HSPB8: variants seen among roughly 807,000 people sequenced by gnomAD.
HSPB8 encodes heat shock protein beta-8.
A neutral mutation model predicts 16.5 loss-of-function variants in HSPB8; 9 were observed. That is an observed-to-expected ratio of 0.55 (90% CI 0.33 to 0.95). The LOEUF is 0.95. Among genes scored for constraint, HSPB8 ranks in the 40% least tolerant of loss-of-function variants. HSPB8 has a pLI of 0.03. For synonymous variants in HSPB8, 99 were observed against 94.8 expected (o/e 1.04, Z -0.26); for missense variants, 238 against 251.2 (o/e 0.95, Z 0.35).
rs548748659 is a variant in HSPB8, at chr12:119,179,155, G to A, written c.-158G>A. The A allele has an allele frequency of 5.3e-6, 4 of 761,798 alleles. No individual in the cohort carries two copies. In the East Asian group the frequency reaches 8.0e-5, roughly 15 times the overall value. The allele number at this position is 761,798 out of a possible 1,614,324, so 47.2% of individuals were successfully genotyped here. On this transcript the variant is annotated 5_prime_UTR_variant, in exon 1 of 3. Transcript: ENST00000281938. ...GGACCCCAGTCGAGGGGACACAACC[G>A]TCCCTGGCAGTGGTTGGTTCTGCTT...
At chr12:119,181,163 G>A (rs1407738486) in intron 1 of HSPB8, among the ~76,000 whole-genome samples, 2 of 152,214 alleles carry the variant, frequency 1.3e-5, no homozygotes, top group East Asian at 3.8e-4. Flanking sequence ...ATCTGAGACA[G>A]ATCTCAGTTC....
chr12:119,185,443 C>G (rs1278888753), intron 1 of HSPB8, among the ~76,000 whole-genome samples: 1 of 152,180 alleles, frequency 6.6e-6, no homozygotes, highest in Non-Finnish European at 1.5e-5. Flanking sequence ...AAGCAATTCT[C>G]CTGCCTCAGC....
At chr12:119,191,428 G>C (rs140617858) in intron 2 of HSPB8, among the ~76,000 whole-genome samples, 5 of 152,052 alleles carry the variant, frequency 3.3e-5, no homozygotes, top group Admixed American at 3.3e-4. Flanking sequence ...CTTTGTCTCC[G>C]CTTCAAAAGC....
At position 119,193,930 on chromosome 12, in the gene HSPB8, T is replaced by C; in HGVS notation, c.*72T>C. On this transcript the variant is annotated 3_prime_UTR_variant, in exon 3 of 3. Coordinates refer to ENST00000281938, the MANE Select transcript of HSPB8 (RefSeq NM_014365.3). ...TCTCTGATTCCAGGATACATTACTTTAGCTGAACTCAGATTTAGTGCAAGT... is the reference window on the plus strand; with the variant it reads ...TCTCTGATTCCAGGATACATTACTTCAGCTGAACTCAGATTTAGTGCAAGT... 3.3e-6 allele frequency: 5 copies of C among 1,516,228 alleles called. No homozygotes were observed. The South Asian group carries it at 3.4e-5, about 10-fold the overall frequency. 93.9% of individuals were successfully genotyped at this position (1,516,228 alleles called of 1,614,324 possible). A position where few individuals can be genotyped will look rare whatever the true frequency, so the allele number is the denominator to read the frequency against.
chr12:119,192,950 G>A (rs917048960), intron 2 of HSPB8, among the ~76,000 whole-genome samples: 2 of 152,076 alleles, frequency 1.3e-5, no homozygotes, highest in Non-Finnish European at 2.9e-5. Flanking sequence ...ACAGTATGGA[G>A]GAAACTGCCC....
At chr12:119,189,752 G>C (rs545791631) in intron 2 of HSPB8, among the ~76,000 whole-genome samples, 1 of 152,120 alleles carries the variant, frequency 6.6e-6, no homozygotes, top group Non-Finnish European at 1.5e-5. Flanking sequence ...GATGGGTGCC[G>C]GTCCATGATC....
chr12:119,186,681 T>A, intron 1 of HSPB8: 1 of 321,430 alleles, frequency 3.1e-6, no homozygotes, highest in Non-Finnish European at 6.0e-6. Context: ...AGAAGAGGAG[T>A]CAGGTGGGAG....
rs1397872559 is a variant in HSPB8, at chr12:119,179,106, C to G, written c.-207C>G. On this transcript the variant is annotated 5_prime_UTR_variant, in exon 1 of 3. Transcript: ENST00000281938. ...CCCTCTGGGATTCTGCTGGATCTGCCCCGGGGGTTACCTTTGGGGGCTGGG... is the reference window on the plus strand; with the variant it reads ...CCCTCTGGGATTCTGCTGGATCTGCGCCGGGGGTTACCTTTGGGGGCTGGG... 1 of 646,932 alleles carries G rather than the reference C, an allele frequency of 1.5e-6. No individual in the cohort carries two copies. Among genetic ancestry groups the G allele is most frequent in the African/African-American group, 1.8e-5 (1 of 55,990 alleles). 40.1% of individuals were successfully genotyped at this position (646,932 alleles called of 1,614,324 possible).
chr12:119,191,842 G>A (rs960129843), intron 2 of HSPB8, among the ~76,000 whole-genome samples: 1 of 152,146 alleles, frequency 6.6e-6, no homozygotes, highest in African/African-American at 2.4e-5. Context: ...TGGAGACCAG[G>A]ATTCCAATTC....
rs570729401 is a variant in HSPB8, at chr12:119,185,469, G to A, written c.368-1556G>A. Among the ~76,000 whole-genome samples, 140 of 152,232 alleles carry A rather than the reference G, an allele frequency of 9.2e-4. 1 individual carries two copies. Among genetic ancestry groups the A allele is most frequent in the Middle Eastern group, 6.8e-3 (2 of 292 alleles). Reference sequence around the variant, plus strand: ...CTGCCTCAGCCTCCCAAGTAGCTGGGACTATAGGCACGTGCCACCATGTCC... The same window carrying A: ...CTGCCTCAGCCTCCCAAGTAGCTGGAACTATAGGCACGTGCCACCATGTCC... On this transcript the variant is annotated intron_variant, in intron 1 of 2. Coordinates refer to ENST00000281938, the MANE Select transcript of HSPB8 (RefSeq NM_014365.3).
At chr12:119,185,133 T>C (rs1954666806) in intron 1 of HSPB8, among the ~76,000 whole-genome samples, 1 of 151,888 alleles carries the variant, frequency 6.6e-6, no homozygotes, top group Admixed American at 6.6e-5. Flanking sequence ...GGCTTTTTTT[T>C]TTAATTTTTT....
At chr12:119,180,113 C>T (rs1015947579) in intron 1 of HSPB8, among the ~76,000 whole-genome samples, 8 of 152,086 alleles carry the variant, frequency 5.3e-5, no homozygotes, top group East Asian at 1.9e-4. Flanking sequence ...AACTGGTTTC[C>T]GGTGAAACAC....
Position 119,179,562 on chromosome 12 carries a change from G to A in HSPB8, c.250G>A (p.Glu84Lys), listed in dbSNP as rs757293016. Residue 84 changes from glutamate (E) to lysine (K), a missense_variant, in exon 1 of 3, where the codon GAG becomes AAG. By Grantham distance (56) the Glu-to-Lys change is moderately conservative. Transcript: ENST00000281938. ...CACCGCCAGGTTTGGGGTGCCTGCC[G>A]AGGGCAGGACCCCCCCACCCTTCCC... is the stretch of plus-strand genomic sequence containing the variant. The part of the protein sequence containing the change: ...TATARFGVPA[E>K]GRTPPPFPGE... 23 of 1,613,262 alleles carry A rather than the reference G, an allele frequency of 1.4e-5. No homozygotes were observed. The highest frequency in any genetic ancestry group is 3.3e-4 in the Middle Eastern group (2 of 6,080).
chr12:119,184,786 C>G (rs1156281230), intron 1 of HSPB8, among the ~76,000 whole-genome samples: 1 of 152,186 alleles, frequency 6.6e-6, no homozygotes, highest in Non-Finnish European at 1.5e-5. Flanking sequence ...ATGTTCAGGG[C>G]CACGAAGTTC....
chr12:119,184,206 T>C (rs913072428), intron 1 of HSPB8, among the ~76,000 whole-genome samples: 2 of 152,212 alleles, frequency 1.3e-5, no homozygotes, highest in African/African-American at 2.4e-5. Flanking sequence ...AACTTCGGGT[T>C]TCCTATCTAC....
intron 2 of HSPB8, among the ~76,000 whole-genome samples, chr12:119,192,281 T>A (rs1954716961): frequency 6.6e-6 from 1 of 152,220 alleles, no homozygotes; most frequent in South Asian, 2.1e-4. Context: ...TAGTGATCTG[T>A]AGAATGGGCA....
chr12:119,179,471 G>A lies in HSPB8; in HGVS notation c.159G>A (p.Leu53=), dbSNP rs2136079924. The change falls in exon 1 of 3, where the codon CTG becomes CTA. Residue 53 remains leucine, a synonymous_variant. Coordinates refer to ENST00000281938, the MANE Select transcript of HSPB8 (RefSeq NM_014365.3). ...CAGCCTCTTGGCCCGACTGGGCTCT[G>A]CCTCGTCTCTCCTCCGCCTGGCCAG... The part of the protein sequence containing the change: ...DLTASWPDWA[L]PRLSSAWPGT... 1 of 1,614,042 alleles carries A rather than the reference G, an allele frequency of 6.2e-7. No homozygotes were observed.
chr12:119,187,169 C>A, intron 2 of HSPB8, 81 bp downstream of exon 2: 1 of 1,122,624 alleles, frequency 8.9e-7, no homozygotes, highest in Non-Finnish European at 1.4e-6. Flanking sequence ...GGGTCTCTCC[C>A]TCTTGGGCAT....
At chr12:119,181,704 G>T (rs1954639034) in intron 1 of HSPB8, among the ~76,000 whole-genome samples, 1 of 152,130 alleles carries the variant, frequency 6.6e-6, no homozygotes, top group African/African-American at 2.4e-5. Context: ...TTTGAAACCT[G>T]GGTTCAGATC....
Sources: gnomAD v4.1 joint callset for allele counts (sites outside exome capture counted in the v4.1 genomes callset) on GRCh38, gnomAD v4.1.1 for gene constraint, MANE v1.5 for transcripts, NCBI Gene and HGNC (gene_info 2026-07-23, HGNC 2026-07-21) for gene names.